Variants in ZNF385D observed in about 807,000 individuals in gnomAD.
ZNF385D encodes the protein zinc finger protein 659.
In ZNF385D, 15 loss-of-function variants were observed where a neutral mutation model predicts 35.8. The ratio of observed to expected loss-of-function variants is 0.42; its 90% CI spans 0.28 to 0.64. The LOEUF (loss-of-function observed/expected upper bound fraction) is 0.64. Ranked by LOEUF, ZNF385D falls within the 30% of genes least tolerant of loss-of-function variation. ZNF385D has a pLI of 0.23. For missense variants in ZNF385D, 474 were observed against 494.6 expected, an observed-to-expected ratio of 0.96 and a Z score of 0.39; for synonymous variants, 212 against 186.8, an observed-to-expected ratio of 1.13 and a Z score of -1.10.
At chr3:21,766,453 C>G (rs1451095745) in intron 3 of ZNF385D, among the ~76,000 whole-genome samples, 1 of 152,088 alleles carries the variant, frequency 6.6e-6, no homozygotes, top group Admixed American at 6.6e-5. Flanking sequence ...ACGGTCAGAA[C>G]ACATTTTAAG....
chr3:21,422,895 A>G (rs1017928761), intron 7 of ZNF385D, among the ~76,000 whole-genome samples: 2 of 152,214 alleles, frequency 1.3e-5, no homozygotes, highest in Non-Finnish European at 2.9e-5. Flanking sequence ...TGTATGGGCA[A>G]AAGCTGGAAG....
At chr3:22,324,357 G>C (rs1185184787) in intron 2 of ZNF385D, among the ~76,000 whole-genome samples, 1 of 152,074 alleles carries the variant, frequency 6.6e-6, no homozygotes, top group Non-Finnish European at 1.5e-5. Context: ...AAATCTACTA[G>C]AGCTAGTAAG....
intron 3 of ZNF385D, among the ~76,000 whole-genome samples, chr3:22,000,165 C>T (rs1257684482): frequency 3.9e-5 from 6 of 151,954 alleles, no homozygotes; most frequent in East Asian, 1.9e-4. Flanking sequence ...ATTAGCCTGG[C>T]GTGGTGGTGG....
chr3:21,918,539 T>C (rs1282558431), intron 3 of ZNF385D, among the ~76,000 whole-genome samples: 1 of 152,302 alleles, frequency 6.6e-6, no homozygotes, highest in East Asian at 1.9e-4. Flanking sequence ...GGATTATATG[T>C]GAAATGCTCA....
At chr3:21,848,309 G>A (rs1173025010) in intron 3 of ZNF385D, among the ~76,000 whole-genome samples, 1 of 151,926 alleles carries the variant, frequency 6.6e-6, no homozygotes, top group Non-Finnish European at 1.5e-5. Context: ...AGTGAACATG[G>A]GAGTGGTCAT....
At chr3:21,832,551 T>C (rs541654097) in intron 3 of ZNF385D, among the ~76,000 whole-genome samples, 13 of 152,128 alleles carry the variant, frequency 8.5e-5, no homozygotes, top group Non-Finnish European at 1.6e-4. Flanking sequence ...TCTAGGAACA[T>C]CTCCCAAACT....
intron 1 of ZNF385D, among the ~76,000 whole-genome samples, chr3:21,727,476 A>G (rs971189187): frequency 1.3e-5 from 2 of 152,244 alleles, no homozygotes; most frequent in Non-Finnish European, 2.9e-5. Flanking sequence ...CAAATTTACA[A>G]GAAAAAAACA....
chr3:21,882,394 G>A (rs1698325374), intron 3 of ZNF385D, among the ~76,000 whole-genome samples: 1 of 144,016 alleles, frequency 6.9e-6, no homozygotes, highest in Non-Finnish European at 1.5e-5. Context: ...GCATTTTTTA[G>A]TAATAAAATA....
chr3:22,170,628 G>C (rs1177608232), intron 2 of ZNF385D, among the ~76,000 whole-genome samples: 1 of 151,802 alleles, frequency 6.6e-6, no homozygotes, highest in Admixed American at 6.6e-5. Context: ...CAATTTAAAT[G>C]GTCATTTTAA....
At position 21,608,694 on chromosome 3, in the gene ZNF385D, T is replaced by G. The variant is rs538386669; in HGVS notation, c.166-44010A>C. ...ATTTTAACTCTGATCATCTGCAGAG[T>G]GACTTTTCCCATGTTTTACCCTCTA... On this transcript the variant is annotated intron_variant, in intron 2 of 7. Transcript: ENST00000281523. Among the ~76,000 whole-genome samples, 13 of 152,308 alleles carry G rather than the reference T, an allele frequency of 8.5e-5. 1 individual carries two copies. The highest frequency in any genetic ancestry group is 3.4e-3 in the Middle Eastern group (1 of 294).
intron 3 of ZNF385D, among the ~76,000 whole-genome samples, chr3:22,082,677 C>G (rs1700814863): frequency 6.6e-6 from 1 of 152,192 alleles, no homozygotes; most frequent in Non-Finnish European, 1.5e-5. Flanking sequence ...ACATCCCTGT[C>G]TGACAGCTCT....
intron 3 of ZNF385D, among the ~76,000 whole-genome samples, chr3:21,838,464 T>C (rs1288691720): frequency 1.3e-5 from 2 of 152,106 alleles, no homozygotes; most frequent in East Asian, 1.9e-4. Context: ...GCCTTCCTGT[T>C]TGAGTGTTTT....
intron 1 of ZNF385D, among the ~76,000 whole-genome samples, chr3:21,668,066 T>C (rs2066459442): frequency 6.6e-6 from 1 of 152,218 alleles, no homozygotes; most frequent in Non-Finnish European, 1.5e-5. Context: ...TTTTAGACTA[T>C]CTGCTATGCA....
chr3:22,077,359 A>G (rs1700515753), intron 3 of ZNF385D, among the ~76,000 whole-genome samples: 1 of 151,982 alleles, frequency 6.6e-6, no homozygotes, highest in Non-Finnish European at 1.5e-5. Flanking sequence ...TAAAGGTAGA[A>G]TAATTGAAAA....
chr3:21,424,902 A>G (rs1700944325), intron 6 of ZNF385D, among the ~76,000 whole-genome samples: 1 of 152,118 alleles, frequency 6.6e-6, no homozygotes, highest in African/African-American at 2.4e-5. Flanking sequence ...TACAAAACAA[A>G]ATACAACATG....
intron 2 of ZNF385D, among the ~76,000 whole-genome samples, chr3:22,368,076 T>C (rs1696736340): frequency 6.6e-6 from 1 of 152,236 alleles, no homozygotes; most frequent in Non-Finnish European, 1.5e-5. Flanking sequence ...AAATGCTACA[T>C]GCTGGCTTGT....
At chr3:22,027,003 C>A (rs1697596584) in intron 3 of ZNF385D, among the ~76,000 whole-genome samples, 1 of 152,194 alleles carries the variant, frequency 6.6e-6, no homozygotes, top group Non-Finnish European at 1.5e-5. Context: ...TATCCTGGTA[C>A]CTGGTATGCA....
At chr3:21,726,678 A>T (rs942733539) in intron 1 of ZNF385D, among the ~76,000 whole-genome samples, 3 of 152,184 alleles carry the variant, frequency 2.0e-5, no homozygotes, top group Admixed American at 1.3e-4. Context: ...GAGAGGATGA[A>T]AACAAATGGA....
intron 2 of ZNF385D, among the ~76,000 whole-genome samples, chr3:22,322,338 T>C (rs1694479530): frequency 6.6e-6 from 1 of 152,032 alleles, no homozygotes; most frequent in African/African-American, 2.4e-5. Context: ...TTTGTCTACA[T>C]AGGGAAATAT....
Sources: gnomAD v4.1 joint callset for allele counts (sites outside exome capture counted in the v4.1 genomes callset) on GRCh38, gnomAD v4.1.1 for gene constraint, MANE v1.5 for transcripts, NCBI Gene and HGNC (gene_info 2026-07-23, HGNC 2026-07-21) for gene names.